Variants in ZBTB20 observed in about 807,000 individuals in gnomAD.
ZBTB20 encodes zinc finger and BTB domain containing 20, also known as zinc finger and BTB domain-containing protein 20.
A neutral mutation model predicts 56.9 loss-of-function variants in ZBTB20; 9 were observed. That is an observed-to-expected ratio of 0.16 (90% CI 0.10 to 0.28). The LOEUF (loss-of-function observed/expected upper bound fraction) is 0.28, where lower values mean the gene tolerates loss of function less well. ZBTB20 is among the 10% of genes least tolerant of loss of function. ZBTB20 has a pLI of 1.00. For missense variants in ZBTB20, 655 were observed against 1,003.0 expected (o/e 0.65, Z 4.69); for synonymous variants, 417 against 420.7 (o/e 0.99, Z 0.11).
rs894896348 is a variant in ZBTB20 at position 114,450,109 on chromosome 3, C to T, written c.-255+50243G>A. 2.6e-5 allele frequency among the ~76,000 whole-genome samples: 4 copies of T among 152,132 alleles called. No homozygotes were observed. In the South Asian group the frequency reaches 8.3e-4, roughly 32 times the overall value. On this transcript the variant is annotated intron_variant, in intron 7 of 11. Transcript: ENST00000675478. The stretch of plus-strand genomic sequence containing the variant: ...GGTGTCCAGGTCTAAACTCAGCTCT[C>T]GCCTTTTTCCCTTCTGGAAAACTGA...
chr3:115,041,121 A>G (rs915716105), intron 2 of ZBTB20, among the ~76,000 whole-genome samples: 1 of 152,168 alleles, frequency 6.6e-6, no homozygotes, highest in African/African-American at 2.4e-5. Flanking sequence ...AAAATTAAAA[A>G]TACAACTTTG....
intron 2 of ZBTB20, among the ~76,000 whole-genome samples, chr3:114,989,485 T>C (rs866367602): frequency 1.3e-5 from 2 of 152,308 alleles, no homozygotes; most frequent in South Asian, 2.1e-4. Flanking sequence ...AGCAGCACCA[T>C]GCTGTTTGGT....
At chr3:114,697,505 A>G (rs1237374213) in intron 5 of ZBTB20, among the ~76,000 whole-genome samples, 3 of 151,844 alleles carry the variant, frequency 2.0e-5, no homozygotes, top group East Asian at 1.9e-4. Flanking sequence ...GAGAAAAGGG[A>G]AAAAAAACTG....
chr3:114,718,538 G>A (rs970991042), intron 5 of ZBTB20, among the ~76,000 whole-genome samples: 9 of 151,924 alleles, frequency 5.9e-5, no homozygotes, highest in African/African-American at 9.7e-5. Context: ...ACAACCACGC[G>A]CTGTGACATA....
chr3:115,079,271 T>C (rs1042921893), intron 1 of ZBTB20, among the ~76,000 whole-genome samples: 2 of 152,208 alleles, frequency 1.3e-5, no homozygotes, highest in African/African-American at 4.8e-5. Flanking sequence ...CCAGGGCTAA[T>C]GAGTATTACA....
intron 6 of ZBTB20, among the ~76,000 whole-genome samples, chr3:114,692,967 A>G (rs182288148): frequency 6.6e-6 from 1 of 152,258 alleles, no homozygotes; most frequent in African/African-American, 2.4e-5. Flanking sequence ...GGTAAGTACA[A>G]GAGCAACCAT....
chr3:115,091,676 TTA>T (rs142068157), intron 1 of ZBTB20, among the ~76,000 whole-genome samples: 190 of 148,320 alleles, frequency 1.3e-3, no homozygotes, highest in African/African-American at 4.1e-3. Context: ...AATGTGTATT[TTA>T]TATATATATA....
Position 114,883,988 on chromosome 3 carries a change from G to GC in ZBTB20, c.-417+16315_-417+16316insG, listed in dbSNP as rs1166222747. On this transcript the variant is annotated intron_variant, in intron 4 of 11. Transcript: ENST00000675478. ...TCGCCCAGGCTGGAGTGCAGTGGCA[G>GC]GATCTCGGCTCACTGCAAGCTCCGC... is the stretch of plus-strand genomic sequence containing the variant. Among the ~76,000 whole-genome samples, 13 of 4,908 alleles carry GC rather than the reference G, an allele frequency of 2.6e-3. No individual in the cohort carries two copies. In the East Asian group the frequency reaches 0.5, roughly 189 times the overall value. 3.2% of individuals were successfully genotyped at this position (4,908 alleles called of 152,430 possible). A position where few individuals can be genotyped will look rare whatever the true frequency, so the allele number is the denominator to read the frequency against.
intron 3 of ZBTB20, among the ~76,000 whole-genome samples, chr3:114,972,328 G>A (rs2077918143): frequency 6.6e-6 from 1 of 152,086 alleles, no homozygotes; most frequent in African/African-American, 2.4e-5. Flanking sequence ...TCATTTGGTT[G>A]GCAGCTTTAT....
At chr3:115,086,325 G>A (rs2082983311) in intron 1 of ZBTB20, among the ~76,000 whole-genome samples, 1 of 151,720 alleles carries the variant, frequency 6.6e-6, no homozygotes, top group Non-Finnish European at 1.5e-5. Context: ...TGTGAAAATG[G>A]TATTTTTCAG....
chr3:114,929,266 GA>G (rs1054439993), intron 3 of ZBTB20, among the ~76,000 whole-genome samples: 6 of 152,164 alleles, frequency 3.9e-5, no homozygotes, highest in African/African-American at 1.4e-4. Flanking sequence ...AAGAGAGCCT[GA>G]AAAAACAGAA....
At chr3:114,347,430 A>ACTAGAAAG (rs1205388730) in intron 11 of ZBTB20, among the ~76,000 whole-genome samples, 5 of 152,118 alleles carry the variant, frequency 3.3e-5, no homozygotes, top group Non-Finnish European at 7.4e-5. Context: ...CTCTACTCTT[A>ACTAGAAAG]CAAGTATCCC....
chr3:114,527,630 A>C (rs1236800768), intron 6 of ZBTB20, among the ~76,000 whole-genome samples: 1 of 152,210 alleles, frequency 6.6e-6, no homozygotes, highest in African/African-American at 2.4e-5. Flanking sequence ...GGAGGCTGTC[A>C]GGCTAGGGTA....
intron 4 of ZBTB20, among the ~76,000 whole-genome samples, chr3:114,872,118 C>T (rs77095820): frequency 0.023 from 3,576 of 152,192 alleles, 51 homozygotes; most frequent in South Asian, 0.051. Flanking sequence ...GAGCCTTTCC[C>T]AACATCTCCA....
rs997687078 is a variant in ZBTB20, at chr3:114,317,679, CT to C, written c.*21325del. 7 of 152,164 alleles carry C rather than the reference CT, an allele frequency of 4.6e-5. No homozygotes were observed. Among genetic ancestry groups the C allele is most frequent in the Admixed American group, 2.6e-4 (4 of 15,284 alleles). The allele number at this position is 152,164 out of a possible 1,614,324, so 9.4% of individuals were successfully genotyped here. A position where few individuals can be genotyped will look rare whatever the true frequency, so the allele number is the denominator to read the frequency against. ...TCTTCCACTAACACATCAACCTCCC[CT>C]ATCACTTTTTAAAAAAATTGTAAAG... On this transcript the variant is annotated 3_prime_UTR_variant, in exon 12 of 12. Coordinates refer to ENST00000675478, the MANE Select transcript of ZBTB20 (RefSeq NM_001348800.3).
intron 6 of ZBTB20, among the ~76,000 whole-genome samples, chr3:114,675,066 T>C (rs2061553863): frequency 6.8e-6 from 1 of 148,010 alleles, no homozygotes; most frequent in South Asian, 2.1e-4. Context: ...TATATATGAA[T>C]ATATATTATA....
rs564623840 is a variant in ZBTB20, at chr3:114,922,707, G to A, written c.-455-22365C>T. ...CAGGCTGCTTCCACTCATGGCAGAA[G>A]GTAAAGTGAAGCCAGTGTGTGGAGA... On this transcript the variant is annotated intron_variant, in intron 3 of 11. Transcript: ENST00000675478. Among the ~76,000 whole-genome samples the A allele has an allele frequency of 3.3e-5, 5 of 152,304 alleles. No homozygotes were observed. The South Asian group carries it at 8.3e-4, about 25-fold the overall frequency.
chr3:114,814,143 A>G (rs904532916), intron 4 of ZBTB20, among the ~76,000 whole-genome samples: 4 of 151,712 alleles, frequency 2.6e-5, no homozygotes, highest in Non-Finnish European at 5.9e-5. Flanking sequence ...TGTAGGTAAG[A>G]TCCTTTATAG....
intron 1 of ZBTB20, among the ~76,000 whole-genome samples, chr3:115,129,644 G>A (rs2084443183): frequency 6.6e-6 from 1 of 152,122 alleles, no homozygotes; most frequent in Admixed American, 6.5e-5. Flanking sequence ...AGATTACAAA[G>A]CTGTATTTAG....
Sources: allele counts gnomAD v4.1 joint callset (sites outside exome capture counted in the v4.1 genomes callset), GRCh38; gene constraint gnomAD v4.1.1; transcripts MANE v1.5; gene names NCBI Gene and HGNC (gene_info 2026-07-23, HGNC 2026-07-21).